The following VPS52 variants were observed in gnomAD, a reference collection of about 807,000 sequenced individuals.
VPS52 encodes the protein VPS52 subunit of GARP complex.
Under a neutral mutation model 98.7 loss-of-function variants are expected in VPS52, and 56 were observed. The observed-to-expected ratio is 0.57, with a 90% CI of 0.46 to 0.71. The LOEUF (loss-of-function observed/expected upper bound fraction) is 0.71, where lower values mean the gene tolerates loss of function less well. VPS52 is among the 30% of genes least tolerant of loss of function. VPS52 has a pLI of 0.00. For synonymous variants in VPS52, 348 were observed against 346.4 expected (o/e 1.00, Z -0.05); for missense variants, 742 against 925.9 (o/e 0.80, Z 2.58).
chr6:33,268,723 CCTT>C lies in VPS52; in HGVS notation c.549-77_549-75del, dbSNP rs1764638004. The C allele has an allele frequency of 6.7e-7, 1 of 1,489,938 alleles. No individual in the cohort carries two copies. The highest frequency in any genetic ancestry group is 1.4e-5 in the African/African-American group (1 of 71,638). 92.3% of individuals were successfully genotyped at this position (1,489,938 alleles called of 1,614,324 possible). A position where few individuals can be genotyped will look rare whatever the true frequency, so the allele number is the denominator to read the frequency against. On this transcript the variant is annotated intron_variant, in intron 6 of 19. Transcript: ENST00000445902. This position sits in a 1 kb window ranked among gnomAD's most constrained non-coding sequence, Gnocchi z 4.0. The stretch of plus-strand genomic sequence containing the variant: ...CCCTAAACCAGACCCAGACCACACT[CCTT>C]ACCTCCAGCCCCTGTCATCTCTACC...
rs752896440 is a variant in VPS52 at position 33,268,146 on chromosome 6, G to A, written c.762C>T (p.Thr254=). 71 of 1,612,952 alleles carry A rather than the reference G, an allele frequency of 4.4e-5. No homozygotes were observed. In the East Asian group the frequency reaches 1.6e-3, roughly 36 times the overall value. ...QKIYSFRKPM[T]NYQIPQTALL... ...GGGCCGTCTGGGGGATCTGATAGTT[G>A]GTCATGGGTTTCCTGAAGGAATAAA... The change falls in exon 8 of 20, where the codon ACC becomes ACT. Residue 254 remains threonine, a synonymous_variant. Coordinates refer to ENST00000445902, the MANE Select transcript of VPS52 (RefSeq NM_022553.6). The surrounding 1 kb of genome is among the most constrained non-coding windows in gnomAD (Gnocchi z 4.0).
intron 17 of VPS52, among the ~76,000 whole-genome samples, chr6:33,253,492 CAAAAAA>C (rs9280381): frequency 1.2e-5 from 1 of 80,416 alleles, no homozygotes; most frequent in Non-Finnish European, 2.5e-5. Context: ...AACTGTGTCT[CAAAAAA>C]AAAAAAAAAA....
At chr6:33,258,716 C>CG (rs1276832318) in intron 17 of VPS52, among the ~76,000 whole-genome samples, 2 of 152,144 alleles carry the variant, frequency 1.3e-5, no homozygotes, top group Non-Finnish European at 2.9e-5. Context: ...TACAGGCATG[C>CG]GCCACTATGC....
intron 1 of VPS52, chr6:33,271,385 A>G (rs1364609873): frequency 1.3e-6 from 1 of 773,376 alleles, no homozygotes; most frequent in Non-Finnish European, 2.2e-6. Flanking sequence ...TGAAGTTGAA[A>G]TTTTGTGCCC....
chr6:33,269,066 C>T lies in VPS52; in HGVS notation c.496G>A (p.Gly166Arg), dbSNP rs941429591. Residue 166 changes from glycine to arginine, a missense_variant, in exon 6 of 20, where the codon GGG (glycine) becomes AGG (arginine). Physicochemically the swap from Gly to Arg is moderately radical, Grantham distance 125. Coordinates refer to ENST00000445902, the MANE Select transcript of VPS52 (RefSeq NM_022553.6). ...CCATCAACAAGCTCCCCAAGTTTCC[C>T]CCGAACTGCCTGGCGATTTCGAAGT... The part of the protein sequence containing the change: ...IRLRNRQAVR[G>R]KLGELVDGLV... 6.2e-7 allele frequency: 1 copy of T among 1,612,860 alleles called. No homozygotes were observed. The highest frequency in any genetic ancestry group is 8.5e-7 in the Non-Finnish European group (1 of 1,179,936).
intron 17 of VPS52, among the ~76,000 whole-genome samples, chr6:33,259,398 T>C (rs1368253377): frequency 2.6e-5 from 4 of 151,004 alleles, no homozygotes; most frequent in Admixed American, 2.0e-4. Flanking sequence ...TCTTAGGCCT[T>C]CCAAGAGGGT....
At chr6:33,261,912 T>TG (rs1264615304) in intron 17 of VPS52, among the ~76,000 whole-genome samples, 8 of 151,666 alleles carry the variant, frequency 5.3e-5, no homozygotes, top group South Asian at 4.2e-4. Flanking sequence ...TGGTGGCACA[T>TG]GCCTGTAATC....
intron 17 of VPS52, among the ~76,000 whole-genome samples, chr6:33,252,588 C>CAAAAAAAAAAAAAAAAAA (rs9280379): frequency 1.0e-5 from 1 of 96,174 alleles, no homozygotes; most frequent in Non-Finnish European, 2.1e-5. Flanking sequence ...GACTCCGTCT[C>CAAAAAAAAAAAAAAAAAA]AAAAAAAAAA....
intron 17 of VPS52, among the ~76,000 whole-genome samples, chr6:33,263,263 CAAAAAAAAA>C (rs750569619): frequency 1.7e-3 from 74 of 44,428 alleles, no homozygotes; most frequent in African/African-American, 5.5e-3. Context: ...CACTTTGCCT[CAAAAAAAAA>C]AAAAAAAAAA....
At chr6:33,265,037 G>GC in intron 12 of VPS52, 137 bp from the exon 13 acceptor site, 1 of 800,974 alleles carries the variant, frequency 1.2e-6, no homozygotes, top group East Asian at 2.5e-5. Flanking sequence ...AAATGGAACT[G>GC]CCCCCTGCTT....
chr6:33,253,076 A>T (rs1271749866), intron 17 of VPS52, among the ~76,000 whole-genome samples: 1 of 152,214 alleles, frequency 6.6e-6, no homozygotes, highest in African/African-American at 2.4e-5. Context: ...CTAGATGACA[A>T]ATGACTCAAT....
chr6:33,269,838 G>A lies in VPS52; in HGVS notation c.229-19C>T. The A allele has an allele frequency of 1.2e-6, 2 of 1,611,508 alleles. No individual in the cohort carries two copies. Among genetic ancestry groups the A allele is most frequent in the Non-Finnish European group, 1.7e-6 (2 of 1,177,956 alleles). ...CTACACCCTGGGAGAACATAAAGATGACAGGTCAGAAGGAAGTCTCAGTAA... is the reference window on the plus strand; with the variant it reads ...CTACACCCTGGGAGAACATAAAGATAACAGGTCAGAAGGAAGTCTCAGTAA... On this transcript the variant is annotated intron_variant, in intron 3 of 19. Transcript: ENST00000445902.
chr6:33,271,918 G>A (rs1272916541), upstream of VPS52: 4 of 1,058,484 alleles, frequency 3.8e-6, no homozygotes, highest in African/African-American at 3.2e-5. Context: ...TGAACCTTAC[G>A]AACTGTAAAG....
intron 1 of VPS52, 142 bp downstream of exon 1, chr6:33,271,444 T>A: frequency 7.9e-7 from 1 of 1,261,970 alleles, no homozygotes; most frequent in Non-Finnish European, 1.1e-6. Context: ...TCGGGTCTGA[T>A]CACAGGGAAG....
Position 33,268,636 on chromosome 6 carries a change from C to G in VPS52, c.562G>C (p.Ala188Pro). The G allele has an allele frequency of 2.5e-6, 4 of 1,604,944 alleles. No individual in the cohort carries two copies. Among genetic ancestry groups the G allele is most frequent in the South Asian group, 2.2e-5 (2 of 90,914 alleles). ...PSALVTAILE[A>P]PVTEPRFLEQ... ...AAGAACCTGGGCTCTGTCACTGGAGCCTCCAGAATTGCCCTGGTTAGCAGG... is the reference window on the plus strand; with the variant it reads ...AAGAACCTGGGCTCTGTCACTGGAGGCTCCAGAATTGCCCTGGTTAGCAGG... The change falls in exon 7 of 20, where the codon GCT (alanine) becomes CCT (proline). Residue 188 changes from alanine to proline, a missense_variant. Coordinates refer to ENST00000445902, the MANE Select transcript of VPS52 (RefSeq NM_022553.6). This position sits in a 1 kb window ranked among gnomAD's most constrained non-coding sequence, Gnocchi z 4.0.
chr6:33,263,273 A>AC (rs1398931588), intron 17 of VPS52, among the ~76,000 whole-genome samples: 1 of 148,290 alleles, frequency 6.7e-6, no homozygotes, highest in Non-Finnish European at 1.5e-5. Context: ...CAAAAAAAAA[A>AC]AAAAAAAAAA....
At chr6:33,261,752 T>G (rs1358562492) in intron 17 of VPS52, among the ~76,000 whole-genome samples, 1 of 151,584 alleles carries the variant, frequency 6.6e-6, no homozygotes, top group Non-Finnish European at 1.5e-5. Context: ...TTACAAAGCT[T>G]CTGCACAGCT....
chr6:33,255,698 AG>A (rs1242213293), intron 17 of VPS52, among the ~76,000 whole-genome samples: 2 of 151,556 alleles, frequency 1.3e-5, no homozygotes, highest in African/African-American at 4.8e-5. Context: ...AGGCTGAGGC[AG>A]GAAGAATGGC....
intron 14 of VPS52, 76 bp from the exon 15 acceptor site, chr6:33,264,179 C>A: frequency 1.3e-6 from 2 of 1,574,952 alleles, no homozygotes; most frequent in Non-Finnish European, 1.7e-6. Context: ...CCTTAGCCAA[C>A]CCACCTCCAT....
Sources: allele counts gnomAD v4.1 joint callset (sites outside exome capture counted in the v4.1 genomes callset), GRCh38; gene constraint gnomAD v4.1.1; non-coding constraint Gnocchi (gnomAD v3.1); transcripts MANE v1.5; gene names NCBI Gene and HGNC (gene_info 2026-07-23, HGNC 2026-07-21).